The following NETO1 variants were observed in gnomAD, a reference collection of about 807,000 sequenced individuals.
NETO1 encodes the protein neuropilin and tolloid-like protein 1.
NETO1 carries 26 observed loss-of-function variants against 61.3 expected under a neutral mutation model. The ratio of observed to expected loss-of-function variants is 0.42; its 90% CI spans 0.31 to 0.59. NETO1 has a LOEUF of 0.59. Ranked by LOEUF, NETO1 falls within the 20% of genes least tolerant of loss-of-function variation. The probability of loss-of-function intolerance (pLI) is 0.12; values close to 1 mark genes in which losing one functional copy is unlikely to be tolerated. For synonymous variants in NETO1, 225 were observed against 225.8 expected (o/e 1.00, Z 0.03); for missense variants, 531 against 662.8 (o/e 0.80, Z 2.18).
rs772546766 is a variant in NETO1, at chr18:72,858,880, C to G, written c.415G>C (p.Ala139Pro). ...SGRFLWIKFF[A>P]DGELESMGFS... ...CCCATAGATTCCAGCTCTCCATCAG[C>G]AAAAAATTTAATCCATAGAAATCTT... The change falls in exon 4 of 11, where the codon GCT (alanine) becomes CCT (proline). Residue 139 changes from alanine (A) to proline (P), a missense_variant. By Grantham distance (27) the Ala-to-Pro change is conservative. Coordinates refer to ENST00000327305, the MANE Select transcript of NETO1 (RefSeq NM_138966.5). The G allele has an allele frequency of 6.2e-7, 1 of 1,613,656 alleles. No homozygotes were observed. The highest frequency in any genetic ancestry group is 8.5e-7 in the Non-Finnish European group (1 of 1,179,792).
rs777593054 is a variant in NETO1, at chr18:72,858,819, T to C, written c.469+7A>G. 1.3e-6 allele frequency: 2 copies of C among 1,592,602 alleles called. No homozygotes were observed. The highest frequency in any genetic ancestry group is 2.7e-5 in the African/African-American group (2 of 73,432). The stretch of plus-strand genomic sequence containing the variant: ...AAAAGAAATTTTTTTTTTAAGTACT[T>C]ACTTACCAGGTGTGAAATTGTATCG... On this transcript the variant is annotated splice_region_variant and intron_variant, in intron 4 of 10. Coordinates refer to ENST00000327305, the MANE Select transcript of NETO1 (RefSeq NM_138966.5).
At chr18:72,778,746 C>A (rs1466762380) in intron 7 of NETO1, among the ~76,000 whole-genome samples, 3 of 152,292 alleles carry the variant, frequency 2.0e-5, no homozygotes, top group Middle Eastern at 6.8e-3. Context: ...TTCTCCTCCT[C>A]CCCTTCTGAG....
chr18:72,755,903 T>G, intron 8 of NETO1, 131 bp downstream of exon 8: 2 of 530,356 alleles, frequency 3.8e-6, no homozygotes, highest in East Asian at 5.9e-5. Context: ...AAATCAATTA[T>G]AAGACATATG....
At chr18:72,774,638 T>A (rs976411780) in intron 7 of NETO1, among the ~76,000 whole-genome samples, 2 of 152,168 alleles carry the variant, frequency 1.3e-5, no homozygotes, top group Non-Finnish European at 2.9e-5. Context: ...TTATCGCAAA[T>A]ATGTTTCTTG....
chr18:72,752,132 C>T (rs1179208584), intron 8 of NETO1: 1 of 152,134 alleles, frequency 6.6e-6, no homozygotes, highest in East Asian at 1.9e-4. Context: ...CTTAGAACAT[C>T]TAGAAGTTTA....
intron 7 of NETO1, among the ~76,000 whole-genome samples, chr18:72,757,654 T>A (rs1433759967): frequency 6.6e-6 from 1 of 152,174 alleles, no homozygotes; most frequent in African/African-American, 2.4e-5. Context: ...TAACACTTTA[T>A]TTTGCTAATG....
chr18:72,761,414 T>C (rs1230101727), intron 7 of NETO1, among the ~76,000 whole-genome samples: 1 of 152,232 alleles, frequency 6.6e-6, no homozygotes, highest in Non-Finnish European at 1.5e-5. Context: ...TGGAATGTGT[T>C]TGTACTACTT....
intron 7 of NETO1, among the ~76,000 whole-genome samples, chr18:72,768,844 T>TA (rs1482571687): frequency 6.6e-6 from 1 of 152,190 alleles, no homozygotes; most frequent in African/African-American, 2.4e-5. Flanking sequence ...CTCAGCCCAG[T>TA]AAAACCTGTT....
At chr18:72,782,932 G>T (rs1444058210) in intron 7 of NETO1, among the ~76,000 whole-genome samples, 1 of 152,204 alleles carries the variant, frequency 6.6e-6, no homozygotes, top group East Asian at 1.9e-4. Flanking sequence ...GTATATGCTT[G>T]TTGGCCACAT....
chr18:72,790,862 C>A (rs1380374963), intron 6 of NETO1, among the ~76,000 whole-genome samples: 2 of 152,074 alleles, frequency 1.3e-5, no homozygotes, highest in Non-Finnish European at 2.9e-5. Flanking sequence ...TTGTGCTTGG[C>A]ACTGGGTATC....
At chr18:72,865,419 T>C (rs939437199) in intron 1 of NETO1, among the ~76,000 whole-genome samples, 178 bp from the exon 2 acceptor site, 4 of 152,224 alleles carry the variant, frequency 2.6e-5, no homozygotes, top group Middle Eastern at 3.2e-3. Context: ...TCAGGAAACC[T>C]TGGGACTCCC....
chr18:72,837,594 C>T (rs1186057207), intron 4 of NETO1, among the ~76,000 whole-genome samples: 1 of 152,086 alleles, frequency 6.6e-6, no homozygotes, highest in African/African-American at 2.4e-5. Flanking sequence ...TCTTAGCTTT[C>T]CCAAGCTTCT....
intron 4 of NETO1, chr18:72,835,446 A>G (rs1387967548): frequency 3.5e-6 from 2 of 573,362 alleles, no homozygotes; most frequent in Admixed American, 5.2e-5. Flanking sequence ...TAGGAATACA[A>G]GTTAAAACTC....
chr18:72,753,016 A>C (rs2070673039), intron 8 of NETO1, among the ~76,000 whole-genome samples: 1 of 152,112 alleles, frequency 6.6e-6, no homozygotes, highest in African/African-American at 2.4e-5. Flanking sequence ...AGAAAAAAAA[A>C]TGTGGCAAAT....
At chr18:72,759,319 C>CTGT (rs772211852) in intron 7 of NETO1, among the ~76,000 whole-genome samples, 2 of 152,298 alleles carry the variant, frequency 1.3e-5, no homozygotes, top group Non-Finnish European at 1.5e-5. Flanking sequence ...GAAAACTTAG[C>CTGT]TGTTCCTTAA....
intron 8 of NETO1, among the ~76,000 whole-genome samples, chr18:72,754,029 G>A (rs2070708490): frequency 6.6e-6 from 1 of 152,096 alleles, no homozygotes; most frequent in East Asian, 1.9e-4. Context: ...GTTTAAAAAT[G>A]TAATAGGTAC....
intron 8 of NETO1, among the ~76,000 whole-genome samples, chr18:72,755,765 T>C (rs1197059069): frequency 6.6e-6 from 1 of 152,104 alleles, no homozygotes; most frequent in Non-Finnish European, 1.5e-5. Flanking sequence ...AGCTCCCGTT[T>C]TCATAGCTCT....
chr18:72,863,524 G>C (rs80139843), intron 3 of NETO1, among the ~76,000 whole-genome samples: 1 of 152,190 alleles, frequency 6.6e-6, no homozygotes, highest in Non-Finnish European at 1.5e-5. Context: ...TGCACTGCCA[G>C]ACCTTAGGTT....
intron 3 of NETO1, 26 bp downstream of exon 3, chr18:72,864,782 T>G (rs765806144): frequency 7.4e-6 from 12 of 1,613,778 alleles, no homozygotes; most frequent in Non-Finnish European, 1.0e-5. Context: ...TAGTGCTTTC[T>G]TAACTCTGGC....
Sources: gnomAD v4.1 joint callset for allele counts (sites outside exome capture counted in the v4.1 genomes callset) on GRCh38, gnomAD v4.1.1 for gene constraint, MANE v1.5 for transcripts, NCBI Gene and HGNC (gene_info 2026-07-23, HGNC 2026-07-21) for gene names.